The following LIAS variants were observed in gnomAD, a reference collection of about 807,000 sequenced individuals.
The protein encoded by LIAS is lipoic acid synthetase, also known as lipoyl synthase, mitochondrial.
A neutral mutation model predicts 49.4 loss-of-function variants in LIAS; 36 were observed. The ratio of observed to expected loss-of-function variants is 0.73; its 90% CI spans 0.56 to 0.96. The LOEUF (loss-of-function observed/expected upper bound fraction) is 0.96, where lower values mean the gene tolerates loss of function less well. Among genes scored for constraint, LIAS ranks in the 40% least tolerant of loss-of-function variants. The probability of loss-of-function intolerance (pLI) is 0.00; values close to 1 mark genes in which losing one functional copy is unlikely to be tolerated. For synonymous variants in LIAS, 145 were observed against 155.8 expected, an observed-to-expected ratio of 0.93 and a Z score of 0.52; for missense variants, 399 against 456.3, an observed-to-expected ratio of 0.87 and a Z score of 1.14.
intron 4 of LIAS, 52 bp downstream of exon 4, chr4:39,463,657 A>G (rs551295124): frequency 1.9e-6 from 3 of 1,553,382 alleles, no homozygotes; most frequent in East Asian, 2.3e-5. Context: ...GAAAGGGACT[A>G]TTTTGTGTCT....
intron 10 of LIAS, chr4:39,476,381 A>C (rs1578248012): frequency 6.6e-6 from 1 of 152,340 alleles, no homozygotes; most frequent in East Asian, 1.9e-4. Flanking sequence ...ACTCATATGT[A>C]AGATGACAAA....
At chr4:39,465,020 T>C (rs749821193) in intron 4 of LIAS, 26 bp from the exon 5 acceptor site, 2 of 1,590,976 alleles carry the variant, frequency 1.3e-6, no homozygotes, top group East Asian at 2.2e-5. Flanking sequence ...GTCTATTTCA[T>C]TTAAATTGTA....
chr4:39,463,375 C>T (rs1744618598), intron 3 of LIAS, 150 bp from the exon 4 acceptor site: 1 of 1,004,872 alleles, frequency 1.0e-6, no homozygotes. Flanking sequence ...TGAGCCAGCG[C>T]ACTTGGTCTT....
At chr4:39,474,248 G>A (rs1745100682) in intron 10 of LIAS, among the ~76,000 whole-genome samples, 1 of 130,824 alleles carries the variant, frequency 7.6e-6, no homozygotes, top group Admixed American at 8.4e-5. Context: ...GGGCAACAGA[G>A]CAAGACTCTG....
chr4:39,474,262 CAAAA>C (rs34137564), intron 10 of LIAS, among the ~76,000 whole-genome samples: 6 of 92,374 alleles, frequency 6.5e-5, no homozygotes, highest in Non-Finnish European at 6.2e-5. Context: ...GACTCTGTCT[CAAAA>C]AAAAAAAAAA....
rs1482459168 is a variant in LIAS, at chr4:39,471,129, T to C, written c.884-107T>C. Reference sequence around the variant, plus strand: ...GTCTTATTCCCCAACATGAAGATTATGGACTGTCATAAAGTTCACACCGTT... The same window carrying C: ...GTCTTATTCCCCAACATGAAGATTACGGACTGTCATAAAGTTCACACCGTT... On this transcript the variant is annotated intron_variant, in intron 8 of 10. Transcript: ENST00000640888. The C allele has an allele frequency of 3.9e-6, 3 of 762,804 alleles. No individual in the cohort carries two copies. In the Admixed American group the frequency reaches 6.4e-5, roughly 16 times the overall value. The allele number at this position is 762,804 out of a possible 1,614,324, so 47.3% of individuals were successfully genotyped here.
chr4:39,468,970 G>A (rs1457107354), intron 7 of LIAS: 1 of 151,302 alleles, frequency 6.6e-6, no homozygotes, highest in Non-Finnish European at 1.5e-5. Flanking sequence ...CAGTAATTAA[G>A]ACTAATCATT....
At chr4:39,468,175 G>T (rs1303600510) in intron 7 of LIAS, 1 of 152,076 alleles carries the variant, frequency 6.6e-6, no homozygotes, top group East Asian at 1.9e-4. Context: ...TAATTCTAAA[G>T]AAAAGACTTC....
chr4:39,463,666 C>T, intron 4 of LIAS, 61 bp downstream of exon 4: 1 of 1,528,588 alleles, frequency 6.5e-7, no homozygotes, highest in Non-Finnish European at 8.8e-7. Context: ...TATTTTGTGT[C>T]TTCCTCCTAA....
chr4:39,476,946 C>A, intron 10 of LIAS, 117 bp from the exon 11 acceptor site: 1 of 645,744 alleles, frequency 1.5e-6, no homozygotes, highest in Non-Finnish European at 2.6e-6. Context: ...AGAGAAGTGC[C>A]AATAAATACA....
Position 39,465,061 on chromosome 4 carries a change from TGTACAAGAG to T in LIAS, c.412_420del (p.Thr138_Gly140del). On this transcript the variant is annotated inframe_deletion, in exon 5 of 11. Transcript: ENST00000640888. Reference sequence around the variant, plus strand: ...TCTATTCTAGTTGATGGGTGACACATGTACAAGAGGTTGCAGATTTTGTTCTGTTAAGAC... The same window carrying T: ...TCTATTCTAGTTGATGGGTGACACATGTTGCAGATTTTGTTCTGTTAAGAC... 5 of 1,613,580 alleles carry T rather than the reference TGTACAAGAG, an allele frequency of 3.1e-6. No individual in the cohort carries two copies. Among genetic ancestry groups the T allele is most frequent in the Non-Finnish European group, 4.2e-6 (5 of 1,179,738 alleles).
intron 1 of LIAS, 87 bp downstream of exon 1, chr4:39,459,249 C>A: frequency 8.2e-7 from 1 of 1,223,632 alleles, no homozygotes; most frequent in Non-Finnish European, 1.1e-6. Context: ...AAGGCCAGTG[C>A]ATTTACTGAA....
rs1183607358 is a variant in LIAS, at chr4:39,463,571, G to A, written c.359G>A (p.Gly120Asp). ...RCPNIGECWG[G>D]GEYATATATI... is the part of the protein sequence containing the mutation. Reference sequence around the variant, plus strand: ...CCCAATATTGGAGAGTGTTGGGGAGGTGGAGAATATGCCACCGCCACAGCC... The same window carrying A: ...CCCAATATTGGAGAGTGTTGGGGAGATGGAGAATATGCCACCGCCACAGCC... Residue 120 changes from glycine (G) to aspartate (D), a missense_variant, in exon 4 of 11, where the codon GGT becomes GAT. By Grantham distance (94) the Gly-to-Asp change is moderately conservative. Transcript: ENST00000640888. 3 of 1,612,928 alleles carry A rather than the reference G, an allele frequency of 1.9e-6. No homozygotes were observed. The highest frequency in any genetic ancestry group is 3.3e-5 in the Admixed American group (2 of 59,920).
Position 39,471,218 on chromosome 4 carries a change from G to A in LIAS, c.884-18G>A, listed in dbSNP as rs754933240. 10 of 1,582,820 alleles carry A rather than the reference G, an allele frequency of 6.3e-6. No homozygotes were observed. The highest frequency in any genetic ancestry group is 8.7e-6 in the Non-Finnish European group (10 of 1,155,202). On this transcript the variant is annotated intron_variant, in intron 8 of 10. Coordinates refer to ENST00000640888, the MANE Select transcript of LIAS (RefSeq NM_006859.4). ...ATTAAAGTATTTGCTAATGTAATTT[G>A]TGCTTTTCTTCCTACAGCACTTCGT...
chr4:39,471,275 A>G lies in LIAS; in HGVS notation c.923A>G (p.Gln308Arg). ...EADVDCLTLG[Q>R]YMQPTRRHLK... ...GATGTAGACTGCTTGACTTTAGGAC[A>G]ATATATGCAGCCAACAAGGCGTCAC... The change falls in exon 9 of 11, where the codon CAA (glutamine) becomes CGA (arginine). Residue 308 changes from glutamine (Q) to arginine (R), a missense_variant. This residue lies in a region of LIAS where 234 missense variants were observed against 292.2 expected (regional missense o/e 0.80). Transcript: ENST00000640888. 1.9e-6 allele frequency: 3 copies of G among 1,612,610 alleles called. No homozygotes were observed. The highest frequency in any genetic ancestry group is 2.5e-6 in the Non-Finnish European group (3 of 1,179,360).
At chr4:39,461,239 C>T (rs1328793884) in intron 2 of LIAS, among the ~76,000 whole-genome samples, 2 of 152,226 alleles carry the variant, frequency 1.3e-5, no homozygotes, top group African/African-American at 4.8e-5. Flanking sequence ...TGCTTTGCTA[C>T]TAGTCTGTTA....
chr4:39,476,915 T>C, intron 10 of LIAS, 148 bp from the exon 11 acceptor site: 2 of 587,098 alleles, frequency 3.4e-6, no homozygotes, highest in East Asian at 3.1e-5. Context: ...TAGAAAAATA[T>C]TGCCATTGAG....
At chr4:39,471,746 G>A (rs1025640111) in intron 9 of LIAS, among the ~76,000 whole-genome samples, 1 of 149,560 alleles carries the variant, frequency 6.7e-6, no homozygotes, top group Non-Finnish European at 1.5e-5. Flanking sequence ...GGCTGGTCTC[G>A]AACTCCTGAG....
chr4:39,459,817 G>T (rs1744357950), intron 1 of LIAS, among the ~76,000 whole-genome samples: 1 of 152,154 alleles, frequency 6.6e-6, no homozygotes, highest in Non-Finnish European at 1.5e-5. Context: ...AAAATTAGCT[G>T]AGCGTGGTGG....
Sources: gnomAD v4.1 joint callset for allele counts (sites outside exome capture counted in the v4.1 genomes callset) on GRCh38, gnomAD v4.1.1 for gene constraint, gnomAD v4.1.1 regional missense constraint, MANE v1.5 for transcripts, NCBI Gene and HGNC (gene_info 2026-07-23, HGNC 2026-07-21) for gene names.